MOBP: variants seen among roughly 807,000 people sequenced by gnomAD.
MOBP encodes the protein myelin associated oligodendrocyte basic protein.
In MOBP, 5 loss-of-function variants were observed where a neutral mutation model predicts 15.0. The observed-to-expected ratio is 0.33, with a 90% CI of 0.17 to 0.70. The LOEUF is 0.70. Among genes scored for constraint, MOBP ranks in the 30% least tolerant of loss-of-function variants. MOBP has a pLI of 0.67. For missense variants in MOBP, 188 were observed against 257.8 expected, an observed-to-expected ratio of 0.73 and a Z score of 1.85; for synonymous variants, 88 against 99.0, an observed-to-expected ratio of 0.89 and a Z score of 0.66.
At chr3:39,501,716 A>G (rs1575310831) in intron 2 of MOBP, among the ~76,000 whole-genome samples, 2 of 152,222 alleles carry the variant, frequency 1.3e-5, no homozygotes, top group South Asian at 4.1e-4. Context: ...CTTTTTAGAG[A>G]AAAGGCTTTT....
Position 39,502,793 on chromosome 3 carries a change from G to A in MOBP, c.465G>A (p.Lys155=), listed in dbSNP as rs1415488597. ...CAGCCAAGCAGCGTCCCCCTCAGAA[G>A]TCCAAGCAACAGCCGCGCAGCAGCC... ...PPPAKQRPPQ[K]SKQQPRSSPL... The change falls in exon 4 of 4, where the codon AAG becomes AAA. Residue 155 remains lysine, a synonymous_variant. Coordinates refer to ENST00000684792, the MANE Select transcript of MOBP (RefSeq NM_001393704.1). This position sits in a 1 kb window ranked among gnomAD's most constrained non-coding sequence, Gnocchi z 6.3. The A allele has an allele frequency of 1.3e-6, 2 of 1,535,478 alleles. No homozygotes were observed. The highest frequency in any genetic ancestry group is 8.7e-7 in the Non-Finnish European group (1 of 1,146,528).
At chr3:39,490,802 A>T (rs2042783890) in intron 2 of MOBP, among the ~76,000 whole-genome samples, 1 of 152,144 alleles carries the variant, frequency 6.6e-6, no homozygotes, top group Non-Finnish European at 1.5e-5. Flanking sequence ...ACCTTGGGTG[A>T]TCTGCCTGCC....
intron 2 of MOBP, among the ~76,000 whole-genome samples, chr3:39,488,137 C>T (rs2042743791): frequency 1.3e-5 from 2 of 151,980 alleles, no homozygotes; most frequent in Admixed American, 1.3e-4. Context: ...AAATTTTTTT[C>T]AGTAATTATT....
At chr3:39,468,237 C>T in intron 1 of MOBP, among the ~76,000 whole-genome samples, 1 of 152,034 alleles carries the variant, frequency 6.6e-6, no homozygotes, top group Non-Finnish European at 1.5e-5. Flanking sequence ...CGGAATTCTG[C>T]CCCCTGTAGA....
intron 3 of MOBP, among the ~76,000 whole-genome samples, chr3:39,523,344 CT>C (rs1359016609): frequency 2.0e-5 from 3 of 151,994 alleles, no homozygotes; most frequent in African/African-American, 7.2e-5. Context: ...TTGATTTTTT[CT>C]TTTATAATAT....
intron 2 of MOBP, among the ~76,000 whole-genome samples, chr3:39,495,387 T>C (rs557648639): frequency 3.2e-4 from 49 of 151,966 alleles, no homozygotes; most frequent in Non-Finnish European, 5.3e-4. Context: ...GCAGCTGAAG[T>C]TGCACAATGG....
At chr3:39,512,251 T>C (rs1238223615) in intron 4 of MOBP, among the ~76,000 whole-genome samples, 3 of 152,168 alleles carry the variant, frequency 2.0e-5, no homozygotes, top group Non-Finnish European at 4.4e-5. Flanking sequence ...CCACAGTGGC[T>C]GATTGCAGAG....
chr3:39,508,836 C>T (rs888182973), intron 4 of MOBP, among the ~76,000 whole-genome samples: 10 of 152,018 alleles, frequency 6.6e-5, no homozygotes, highest in East Asian at 3.9e-4. Flanking sequence ...CATAAGCCAC[C>T]GCGCCTGGCC....
intron 2 of MOBP, among the ~76,000 whole-genome samples, chr3:39,492,690 T>A (rs2125644539): frequency 6.6e-6 from 1 of 152,366 alleles, no homozygotes; most frequent in South Asian, 2.1e-4. Context: ...ATCCCATTCC[T>A]TAATTCATAT....
At chr3:39,507,597 G>A (rs2043064171), downstream of MOBP, among the ~76,000 whole-genome samples, 1 of 152,144 alleles carries the variant, frequency 6.6e-6, no homozygotes, top group Non-Finnish European at 1.5e-5. Flanking sequence ...GAAGGTTAGG[G>A]TACACCTGGA....
In MOBP at chr3:39,469,184, G is replaced by A. The variant is rs1171166556; in HGVS notation, c.-89+1444G>A. 2.9e-5 allele frequency among the ~76,000 whole-genome samples: 3 copies of A among 102,752 alleles called. 1 individual carries two copies. The highest frequency in any genetic ancestry group is 9.7e-5 in the African/African-American group (2 of 20,550). 67.4% of individuals were successfully genotyped at this position (102,752 alleles called of 152,430 possible). On this transcript the variant is annotated intron_variant, in intron 1 of 3. Coordinates refer to ENST00000684792, the MANE Select transcript of MOBP (RefSeq NM_001393704.1). Reference sequence around the variant, plus strand: ...TGTGTGTATACATATATACATGTGTGTGTGTGTATATACATATATACATGT... The same window carrying A: ...TGTGTGTATACATATATACATGTGTATGTGTGTATATACATATATACATGT...
chr3:39,485,797 A>G (rs1017746593), intron 2 of MOBP, among the ~76,000 whole-genome samples: 5 of 152,296 alleles, frequency 3.3e-5, no homozygotes, highest in Non-Finnish European at 5.9e-5. Context: ...CCTGTTTTTG[A>G]GGATCAATCA....
At chr3:39,513,003 A>G (rs1009207780) in intron 4 of MOBP, among the ~76,000 whole-genome samples, 2 of 152,212 alleles carry the variant, frequency 1.3e-5, no homozygotes, top group Non-Finnish European at 2.9e-5. Context: ...CATATACTCT[A>G]TGTGTATATG....
chr3:39,507,843 G>T (rs1322621436), downstream of MOBP, among the ~76,000 whole-genome samples: 2 of 152,188 alleles, frequency 1.3e-5, no homozygotes, highest in African/African-American at 4.8e-5. Context: ...TGTGCCTCCA[G>T]TGTTCTGACT....
In MOBP at chr3:39,502,194, G is replaced by A. The variant is rs1351982984; in HGVS notation, c.125G>A (p.Arg42Gln). The change falls in exon 3 of 4, where the codon CGG (arginine) becomes CAG (glutamine). Residue 42 changes from arginine (R) to glutamine (Q), a missense_variant. Around this residue, in one of 2 missense-constraint regions of MOBP, gnomAD observed 133 missense variants for 212.5 expected, o/e 0.63. Transcript: ENST00000684792. This position sits in a 1 kb window ranked among gnomAD's most constrained non-coding sequence, Gnocchi z 6.3. ...FLNSKKEIVD[R>Q]KYSICKSGCF... ...AATTCCAAGAAGGAGATAGTGGATC[G>A]GAAATACAGCATCTGTAAGAGCGGC... 2.5e-6 allele frequency: 4 copies of A among 1,614,072 alleles called. No individual in the cohort carries two copies. The highest frequency in any genetic ancestry group is 3.4e-6 in the Non-Finnish European group (4 of 1,180,038).
chr3:39,517,991 A>G (rs1178011373), downstream of MOBP, among the ~76,000 whole-genome samples: 1 of 152,260 alleles, frequency 6.6e-6, no homozygotes, highest in African/African-American at 2.4e-5. Flanking sequence ...CAGCTTAAGT[A>G]GTGGCCTTAC....
chr3:39,474,197 A>G (rs1368192101), intron 1 of MOBP, among the ~76,000 whole-genome samples: 1 of 152,230 alleles, frequency 6.6e-6, no homozygotes, highest in East Asian at 1.9e-4. Flanking sequence ...AAGTTATTGT[A>G]ATAAAAACAT....
intron 3 of MOBP, among the ~76,000 whole-genome samples, chr3:39,523,233 A>G (rs2043291916): frequency 6.6e-6 from 1 of 152,218 alleles, no homozygotes; most frequent in Non-Finnish European, 1.5e-5. Flanking sequence ...CCTGAGCAAT[A>G]TTTCTATGGG....
intron 2 of MOBP, among the ~76,000 whole-genome samples, chr3:39,491,654 A>G (rs2042797044): frequency 6.6e-6 from 1 of 152,194 alleles, no homozygotes; most frequent in South Asian, 2.1e-4. Flanking sequence ...CCTTTCTGCA[A>G]AGAAAGCTGA....
Sources: allele counts gnomAD v4.1 joint callset (sites outside exome capture counted in the v4.1 genomes callset), GRCh38; gene constraint gnomAD v4.1.1; regional missense constraint gnomAD v4.1.1; non-coding constraint Gnocchi (gnomAD v3.1); transcripts MANE v1.5; gene names NCBI Gene and HGNC (gene_info 2026-07-23, HGNC 2026-07-21).